Variants in RAPGEF1 observed in about 807,000 individuals in gnomAD.
RAPGEF1 encodes CRK SH3-binding GNRP.
In RAPGEF1, 33 loss-of-function variants were observed where a neutral mutation model predicts 143.3. That is an observed-to-expected ratio of 0.23 (90% CI 0.17 to 0.31). RAPGEF1 has a LOEUF of 0.31. Among genes scored for constraint, RAPGEF1 ranks in the 10% least tolerant of loss-of-function variants. The pLI, the probability that RAPGEF1 is intolerant of heterozygous loss-of-function variation, is 1.00. For missense variants in RAPGEF1, 1,199 were observed against 1,645.4 expected, an observed-to-expected ratio of 0.73 and a Z score of 4.69; for synonymous variants, 629 against 676.5, an observed-to-expected ratio of 0.93 and a Z score of 1.09.
intron 1 of RAPGEF1, among the ~76,000 whole-genome samples, chr9:131,672,092 T>C (rs1022809736): frequency 1.3e-5 from 2 of 152,098 alleles, no homozygotes; most frequent in East Asian, 1.9e-4. Flanking sequence ...ACCTAGCCCA[T>C]AGCCAAAAGT....
In RAPGEF1 at chr9:131,738,234, TAA is replaced by T. The variant is rs774390621; in HGVS notation, c.61+1534_61+1535del. Among the ~76,000 whole-genome samples, 342 of 136,296 alleles carry T rather than the reference TAA, an allele frequency of 2.5e-3. 1 individual carries two copies. The highest frequency in any genetic ancestry group is 4.6e-3 in the Non-Finnish European group (274 of 59,568). The allele number at this position is 136,296 out of a possible 152,430, so 89.4% of individuals were successfully genotyped here. ...ACATAATATAATCTTATATTAGATA[TAA>T]AAAGATATAATATAATCTTATATAT... On this transcript the variant is annotated intron_variant, in intron 1 of 26. Coordinates refer to ENST00000683357, the MANE Select transcript of RAPGEF1 (RefSeq NM_001377935.1).
chr9:131,646,670 A>G (rs1284909573), intron 3 of RAPGEF1, among the ~76,000 whole-genome samples: 1 of 152,118 alleles, frequency 6.6e-6, no homozygotes, highest in African/African-American at 2.4e-5. Flanking sequence ...TCCCCTCTCC[A>G]CAGCAACATA....
intron 1 of RAPGEF1, among the ~76,000 whole-genome samples, chr9:131,739,295 C>CT (rs1837602838): frequency 2.0e-5 from 3 of 152,256 alleles, no homozygotes; most frequent in African/African-American, 7.2e-5. Flanking sequence ...CTCATCCAGC[C>CT]TGCTTCCTTT....
chr9:131,721,115 T>A (rs910867954), intron 1 of RAPGEF1, among the ~76,000 whole-genome samples: 4 of 152,202 alleles, frequency 2.6e-5, no homozygotes, highest in Admixed American at 2.0e-4. Flanking sequence ...CTCCATGGAC[T>A]TGACCTGCAT....
intron 1 of RAPGEF1, chr9:131,737,320 C>G: frequency 1.2e-6 from 2 of 1,605,026 alleles, no homozygotes; most frequent in Non-Finnish European, 1.7e-6. Context: ...AGGTATATAT[C>G]TCAGCCCTCT....
At chr9:131,596,533 G>A (rs912671152) in intron 16 of RAPGEF1, among the ~76,000 whole-genome samples, 160 bp from the exon 17 acceptor site, 4 of 152,186 alleles carry the variant, frequency 2.6e-5, no homozygotes, top group South Asian at 2.1e-4. Flanking sequence ...GCTGCGCTGC[G>A]AAGCCAGGGG....
At chr9:131,599,205 G>T (rs938556768) in intron 15 of RAPGEF1, among the ~76,000 whole-genome samples, 1 of 150,820 alleles carries the variant, frequency 6.6e-6, no homozygotes, top group South Asian at 2.1e-4. Context: ...GCTCACTGCA[G>T]CCCTGACCTC....
In RAPGEF1 at chr9:131,667,884, G is replaced by A. The variant is rs1230528685; in HGVS notation, c.62-16935C>T. Among the ~76,000 whole-genome samples, 1 of 152,154 alleles carries A rather than the reference G, an allele frequency of 6.6e-6. No homozygotes were observed. Among genetic ancestry groups the A allele is most frequent in the African/African-American group, 2.4e-5 (1 of 41,424 alleles). ...CGTTGGGAGGATGTCATACAGTACT[G>A]CACATACAGTGAGTCACTAAGCCCA... On this transcript the variant is annotated intron_variant, in intron 1 of 26. Transcript: ENST00000683357. The surrounding 1 kb of genome is among the most constrained non-coding windows in gnomAD (Gnocchi z 4.6).
At chr9:131,613,909 TG>T (rs1321716812) in intron 12 of RAPGEF1, among the ~76,000 whole-genome samples, 1 of 152,198 alleles carries the variant, frequency 6.6e-6, no homozygotes, top group African/African-American at 2.4e-5. Flanking sequence ...TACATTGTGC[TG>T]CTAAACCCCC....
In RAPGEF1 at chr9:131,732,931, G is replaced by A. The variant is rs182143897; in HGVS notation, c.61+6839C>T. On this transcript the variant is annotated intron_variant, in intron 1 of 26. Coordinates refer to ENST00000683357, the MANE Select transcript of RAPGEF1 (RefSeq NM_001377935.1). ...TTTTTTAACTTGCAGAAAGGAAACT[G>A]GGGCTTTGATTTTGAATGAGTGAAA... 5.3e-3 allele frequency among the ~76,000 whole-genome samples: 802 copies of A among 152,252 alleles called. 3 individuals carry two copies. The highest frequency in any genetic ancestry group is 9.3e-3 in the Non-Finnish European group (631 of 68,026).
intron 1 of RAPGEF1, among the ~76,000 whole-genome samples, chr9:131,652,286 T>C (rs899548162): frequency 5.9e-5 from 9 of 152,204 alleles, no homozygotes; most frequent in African/African-American, 2.2e-4. Context: ...GGTCTCACTC[T>C]TTTGCTAAGA....
At chr9:131,690,529 G>A (rs957641509) in intron 1 of RAPGEF1, among the ~76,000 whole-genome samples, 1 of 152,072 alleles carries the variant, frequency 6.6e-6, no homozygotes, top group Non-Finnish European at 1.5e-5. Context: ...CAGGCATGGT[G>A]GCTAATGTCT....
chr9:131,621,757 GGATCGGAA>G lies in RAPGEF1; in HGVS notation c.1905+31_1905+38del. On this transcript the variant is annotated intron_variant, in intron 11 of 26. Coordinates refer to ENST00000683357, the MANE Select transcript of RAPGEF1 (RefSeq NM_001377935.1). This position sits in a 1 kb window ranked among gnomAD's most constrained non-coding sequence, Gnocchi z 4.5. ...CATTCTGGTTCCTAGAGACCTGCTAGGATCGGAAGTTCTAGTCACAAGGGAAGGTGTCA... is the reference window on the plus strand; with the variant it reads ...CATTCTGGTTCCTAGAGACCTGCTAGGTTCTAGTCACAAGGGAAGGTGTCA... 1.3e-6 allele frequency: 2 copies of G among 1,554,908 alleles called. No individual in the cohort carries two copies. The highest frequency in any genetic ancestry group is 3.8e-5 in the Admixed American group (2 of 53,126).
At chr9:131,651,390 C>T (rs768052668) in intron 1 of RAPGEF1, among the ~76,000 whole-genome samples, 2 of 152,182 alleles carry the variant, frequency 1.3e-5, no homozygotes, top group Non-Finnish European at 2.9e-5. Context: ...CTGGAGTTGG[C>T]AGCGGTGACT....
chr9:131,728,257 T>C (rs1412153290), intron 1 of RAPGEF1, among the ~76,000 whole-genome samples: 1 of 152,200 alleles, frequency 6.6e-6, no homozygotes, highest in Non-Finnish European at 1.5e-5. Context: ...AGTTACTTTG[T>C]ACACGAGGAC....
intron 1 of RAPGEF1, among the ~76,000 whole-genome samples, chr9:131,667,000 T>C (rs1830538999): frequency 1.3e-5 from 2 of 151,634 alleles, no homozygotes; most frequent in African/African-American, 2.4e-5. Context: ...CAAAGCATTC[T>C]TTTTTTTGGA....
intron 1 of RAPGEF1, among the ~76,000 whole-genome samples, chr9:131,690,554 T>C (rs1331235697): frequency 6.6e-6 from 1 of 152,162 alleles, no homozygotes; most frequent in Non-Finnish European, 1.5e-5. Flanking sequence ...CCCCAGCACT[T>C]TGGGAGGCCA....
At chr9:131,588,464 C>A (rs1017110788) in intron 20 of RAPGEF1, among the ~76,000 whole-genome samples, 1 of 152,316 alleles carries the variant, frequency 6.6e-6, no homozygotes, top group Admixed American at 6.5e-5. Context: ...CCGTCGGTGT[C>A]GAGGGGACGG....
chr9:131,618,914 C>T (rs1277588228), intron 12 of RAPGEF1, 137 bp downstream of exon 12: 3 of 684,114 alleles, frequency 4.4e-6, no homozygotes, highest in Non-Finnish European at 6.6e-6. Context: ...CCATTCATAG[C>T]CTTCCCATCT....
Sources: allele counts gnomAD v4.1 joint callset (sites outside exome capture counted in the v4.1 genomes callset), GRCh38; gene constraint gnomAD v4.1.1; non-coding constraint Gnocchi (gnomAD v3.1); transcripts MANE v1.5; gene names NCBI Gene and HGNC (gene_info 2026-07-23, HGNC 2026-07-21).